The following CD55 variants were observed in gnomAD, a reference collection of about 807,000 sequenced individuals.
CD55 encodes the protein CD55 molecule (Cromer blood group).
CD55 carries 41 observed loss-of-function variants against 45.8 expected under a neutral mutation model. The observed-to-expected ratio is 0.90, with a 90% CI of 0.70 to 1.16. CD55 has a LOEUF of 1.16. CD55 is among the 50% of genes most tolerant of loss of function. CD55 has a pLI of 0.00. For missense variants in CD55, 416 were observed against 469.8 expected (o/e 0.89, Z 1.06); for synonymous variants, 181 against 181.1 (o/e 1.00, Z 0.01).
intron 9 of CD55, chr1:207,354,007 C>T: frequency 6.5e-7 from 1 of 1,533,614 alleles, no homozygotes; most frequent in Non-Finnish European, 8.7e-7. Context: ...ACTTTGTTAG[C>T]TCTGCAAGTT....
At chr1:207,344,954 G>A (rs1558154189) in intron 9 of CD55, among the ~76,000 whole-genome samples, 1 of 152,124 alleles carries the variant, frequency 6.6e-6, no homozygotes, top group African/African-American at 2.4e-5. Flanking sequence ...GACCTCAGGT[G>A]ATCCACCTGC....
intron 6 of CD55, 58 bp downstream of exon 6, chr1:207,331,354 G>C: frequency 7.4e-7 from 1 of 1,347,078 alleles, no homozygotes; most frequent in Non-Finnish European, 1.0e-6. Context: ...TCTATATGTG[G>C]GTTGCAGACA....
chr1:207,346,792 G>A (rs189758704), intron 9 of CD55, among the ~76,000 whole-genome samples: 1 of 152,312 alleles, frequency 6.6e-6, no homozygotes, highest in African/African-American at 2.4e-5. Flanking sequence ...TTAGGACTCA[G>A]TGGTTTATAG....
At chr1:207,343,076 C>G (rs1159085102) in intron 9 of CD55, among the ~76,000 whole-genome samples, 1 of 151,948 alleles carries the variant, frequency 6.6e-6, no homozygotes, top group Admixed American at 6.6e-5. Flanking sequence ...TGGGGCTTCT[C>G]TCTTTTTTTC....
In CD55 at chr1:207,326,824, G is replaced by A. The variant is rs150286783; in HGVS notation, c.651G>A (p.Leu217=). The change falls in exon 5 of 10, where the codon TTG becomes TTA. Residue 217 remains leucine, a synonymous_variant. Transcript: ENST00000367064. ...GCTCTGTCCAGTGGAGTGACCCGTT[G>A]CCAGAGTGCAGAGGTAAGAGTTAAA... ...SGSSVQWSDP[L]PECREIYCPA... is the part of the protein sequence containing the mutation. 109 of 1,613,098 alleles carry A rather than the reference G, an allele frequency of 6.8e-5. No homozygotes were observed. In the African/African-American group the frequency reaches 1.3e-3, roughly 20 times the overall value.
intron 9 of CD55, among the ~76,000 whole-genome samples, chr1:207,342,576 T>C (rs926913208): frequency 6.6e-6 from 1 of 152,170 alleles, no homozygotes; most frequent in African/African-American, 2.4e-5. Flanking sequence ...AATTTTTTGA[T>C]GTGGTGTTGG....
chr1:207,332,146 G>A (rs1320499877), intron 6 of CD55, among the ~76,000 whole-genome samples: 2 of 151,982 alleles, frequency 1.3e-5, no homozygotes, highest in East Asian at 3.8e-4. Flanking sequence ...AGTCCTACTC[G>A]GAGAGGTAAC....
rs370522065 is a variant in CD55, at chr1:207,331,286, T to G, written c.843T>G (p.Pro281=). ...NDEGEWSGPP[P]ECRGKSLTSK... ...AAGGAGAGTGGAGTGGCCCACCACCTGAATGCAGAGGTAATCACTTTGGAT... is the reference window on the plus strand; with the variant it reads ...AAGGAGAGTGGAGTGGCCCACCACCGGAATGCAGAGGTAATCACTTTGGAT... Residue 281 remains proline (P), a synonymous_variant, in exon 6 of 10, where the codon CCT becomes CCG. Transcript: ENST00000367064. The G allele has an allele frequency of 1.2e-6, 2 of 1,612,782 alleles. No individual in the cohort carries two copies. The highest frequency in any genetic ancestry group is 1.7e-5 in the Admixed American group (1 of 59,940).
intron 5 of CD55, 79 bp from the exon 6 acceptor site, chr1:207,331,028 CT>C: frequency 9.6e-7 from 1 of 1,042,464 alleles, no homozygotes; most frequent in Non-Finnish European, 1.4e-6. Flanking sequence ...AAAATATAAT[CT>C]TTAACATGTT....
Position 207,339,433 on chromosome 1 carries a change from A to G in CD55, c.1081+16A>G, listed in dbSNP as rs897594314. 1.9e-6 allele frequency: 3 copies of G among 1,596,574 alleles called. No individual in the cohort carries two copies. The highest frequency in any genetic ancestry group is 2.6e-6 in the Non-Finnish European group (3 of 1,168,838). ...CTTCTATCTGGTAAGTTTGGCTCTC[A>G]GGCCATTAAAAGAAATTGTTTTCAC... On this transcript the variant is annotated intron_variant, in intron 9 of 9. Coordinates refer to ENST00000367064, the MANE Select transcript of CD55 (RefSeq NM_000574.5).
chr1:207,323,830 A>C (rs1020233686), intron 2 of CD55, among the ~76,000 whole-genome samples: 6 of 152,184 alleles, frequency 3.9e-5, no homozygotes, highest in Admixed American at 1.3e-4. Context: ...CAACCTTATG[A>C]GGTAAGTTGG....
chr1:207,331,780 T>C (rs1654957455), intron 6 of CD55, among the ~76,000 whole-genome samples: 1 of 152,174 alleles, frequency 6.6e-6, no homozygotes, highest in East Asian at 1.9e-4. Context: ...CCATTCTCCT[T>C]CATCCTTCTA....
intron 6 of CD55, 65 bp from the exon 7 acceptor site, chr1:207,336,628 G>A (rs1655181803): frequency 6.3e-7 from 1 of 1,583,550 alleles, no homozygotes; most frequent in African/African-American, 1.4e-5. Flanking sequence ...AGCAAGCAAT[G>A]GCTAAGAATG....
chr1:207,337,158 T>C (rs1181995749), intron 7 of CD55, 171 bp from the exon 8 acceptor site: 1 of 613,224 alleles, frequency 1.6e-6, no homozygotes, highest in East Asian at 2.7e-5. Context: ...CAGAATCCCA[T>C]GATGACAAAT....
chr1:207,347,127 C>T (rs976052179), intron 9 of CD55: 2 of 456,124 alleles, frequency 4.4e-6, no homozygotes, highest in African/African-American at 2.0e-5. Flanking sequence ...GTAATTCCTG[C>T]TTAGGTTTCT....
chr1:207,353,454 A>G (rs972086986), intron 9 of CD55, among the ~76,000 whole-genome samples: 2 of 152,168 alleles, frequency 1.3e-5, no homozygotes, highest in African/African-American at 4.8e-5. Context: ...AATATGGCAT[A>G]TATTACAGAC....
rs1655984624 is a variant in CD55 at position 207,353,933 on chromosome 1, G to C, written c.1082-5613G>C. ...CCCTTTATTCTGTTACATTAAGTAT[G>C]ATATAAGCAAGAACAAAACCTTTCC... On this transcript the variant is annotated intron_variant, in intron 9 of 9. Transcript: ENST00000367064. 12 of 1,376,674 alleles carry C rather than the reference G, an allele frequency of 8.7e-6. No homozygotes were observed. In the East Asian group the frequency reaches 3.0e-4, roughly 35 times the overall value. 85.3% of individuals were successfully genotyped at this position (1,376,674 alleles called of 1,614,324 possible).
At chr1:207,336,587 G>A in intron 6 of CD55, 106 bp from the exon 7 acceptor site, 1 of 1,314,140 alleles carries the variant, frequency 7.6e-7, no homozygotes, top group Non-Finnish European at 1.1e-6. Context: ...ATACCTAGGT[G>A]TTTGTGGGGA....
At chr1:207,338,842 A>C (rs1655294750) in intron 8 of CD55, among the ~76,000 whole-genome samples, 1 of 152,118 alleles carries the variant, frequency 6.6e-6, no homozygotes, top group Admixed American at 6.6e-5. Flanking sequence ...GCTTGTTCTA[A>C]ATGGCACTCT....
Sources: allele counts gnomAD v4.1 joint callset (sites outside exome capture counted in the v4.1 genomes callset), GRCh38; gene constraint gnomAD v4.1.1; transcripts MANE v1.5; gene names NCBI Gene and HGNC (gene_info 2026-07-23, HGNC 2026-07-21).